The following ITIH1 variants were observed in gnomAD, a reference collection of about 807,000 sequenced individuals.
The protein encoded by ITIH1 is inter-alpha-trypsin inhibitor heavy chain 1.
A neutral mutation model predicts 104.6 loss-of-function variants in ITIH1; 94 were observed. That is an observed-to-expected ratio of 0.90 (90% CI 0.76 to 1.07). The LOEUF (loss-of-function observed/expected upper bound fraction) is 1.07, where lower values mean the gene tolerates loss of function less well. ITIH1 is among the 50% of genes least tolerant of loss of function. ITIH1 has a pLI of 0.00. For missense variants in ITIH1, 1,193 were observed against 1,181.4 expected (o/e 1.01, Z -0.14); for synonymous variants, 455 against 464.4 (o/e 0.98, Z 0.26).
chr3:52,790,500 T>C, intron 19 of ITIH1: 1 of 449,188 alleles, frequency 2.2e-6, no homozygotes, highest in Non-Finnish European at 4.0e-6. Context: ...GCCTGGGACT[T>C]CACAGGCTCG....
Position 52,786,370 on chromosome 3 carries a change from A to C in ITIH1, c.1669A>C (p.Met557Leu). 6.3e-7 allele frequency: 1 copy of C among 1,583,870 alleles called. No individual in the cohort carries two copies. Among genetic ancestry groups the C allele is most frequent in the East Asian group, 2.3e-5 (1 of 43,436 alleles). Reference protein sequence around the residue: ...MKKLLRERGHMLENHVERLWA... With the variant: ...MKKLLRERGHLLENHVERLWA... ...GAAACTGCTCCGAGAGCGTGGCCAC[A>C]TGCTGGAGAACCACGTCGAGCGCCT... Residue 557 changes from methionine to leucine, a missense_variant, in exon 13 of 22, where the codon ATG becomes CTG. By Grantham distance (15) the Met-to-Leu change is conservative (BLOSUM62 2). Transcript: ENST00000273283.
Position 52,785,219 on chromosome 3 carries a change from A to G in ITIH1, c.1583A>G (p.Gln528Arg). The change falls in exon 12 of 22, where the codon CAG becomes CGG. Residue 528 changes from glutamine (Q) to arginine (R), a missense_variant. Gln to Arg is a conservative substitution (Grantham distance 43). Transcript: ENST00000273283. The stretch of plus-strand genomic sequence containing the variant: ...CAGAGCAGCTTCAAGGCTGATGTGC[A>G]GGCCCATGGGGTAAATGGTGGGCCA... Reference protein sequence around the residue: ...NKQSSFKADVQAHGEGQEFSI... With the variant: ...NKQSSFKADVRAHGEGQEFSI... The G allele has an allele frequency of 6.2e-7, 1 of 1,614,046 alleles. No individual in the cohort carries two copies. The highest frequency in any genetic ancestry group is 2.2e-5 in the East Asian group (1 of 44,872).
At position 52,790,789 on chromosome 3, in the gene ITIH1, T is replaced by C; in HGVS notation, c.2362T>C (p.Ser788Pro). The C allele has an allele frequency of 6.2e-7, 1 of 1,612,892 alleles. No homozygotes were observed. The highest frequency in any genetic ancestry group is 8.5e-7 in the Non-Finnish European group (1 of 1,179,544). Residue 788 changes from serine (S) to proline (P), a missense_variant, in exon 20 of 22, where the codon TCT becomes CCT. By Grantham distance (74) the Ser-to-Pro change is moderately conservative. Coordinates refer to ENST00000273283, the MANE Select transcript of ITIH1 (RefSeq NM_002215.4). ...TINKKRNLVV[S>P]VDDGGTFEVV... ...CAACAAGAAGAGGAACCTGGTGGTGTCTGTGGACGACGGTGGCACCTTTGA... is the reference window on the plus strand; with the variant it reads ...CAACAAGAAGAGGAACCTGGTGGTGCCTGTGGACGACGGTGGCACCTTTGA...
intron 12 of ITIH1, among the ~76,000 whole-genome samples, 182 bp from the exon 13 acceptor site, chr3:52,786,113 G>A (rs1472784360): frequency 6.6e-6 from 1 of 152,200 alleles, no homozygotes; most frequent in Admixed American, 6.5e-5. Flanking sequence ...GCCAAGCCTG[G>A]CTTGCAGAGG....
Position 52,779,662 on chromosome 3 carries a change from G to C in ITIH1, c.573+68G>C. 1 of 1,563,852 alleles carries C rather than the reference G, an allele frequency of 6.4e-7. No individual in the cohort carries two copies. Among genetic ancestry groups the C allele is most frequent in the Non-Finnish European group, 8.8e-7 (1 of 1,135,160 alleles). ...GTCACCATGGCTCCCAACACTGGTT[G>C]AGCACCCACCATGTGTCACCACCCA... On this transcript the variant is annotated intron_variant, in intron 5 of 21. Transcript: ENST00000273283. The surrounding 1 kb of genome is among the most constrained non-coding windows in gnomAD (Gnocchi z 4.4).
intron 3 of ITIH1, 75 bp downstream of exon 3, chr3:52,778,581 G>T (rs1236194181): frequency 1.9e-5 from 31 of 1,592,406 alleles, no homozygotes; most frequent in Non-Finnish European, 1.4e-5. Flanking sequence ...ACAAGGATCG[G>T]AGTGGCCAGA....
Position 52,782,940 on chromosome 3 carries a change from C to G in ITIH1, c.931-17C>G. 1 of 1,613,394 alleles carries G rather than the reference C, an allele frequency of 6.2e-7. No homozygotes were observed. The highest frequency in any genetic ancestry group is 8.5e-7 in the Non-Finnish European group (1 of 1,179,632). On this transcript the variant is annotated splice_polypyrimidine_tract_variant and intron_variant, in intron 8 of 21. Transcript: ENST00000273283. ...CCCTGGGGCCCTGTCTGTCTACTGA[C>G]TGTTCTGTCCTTGCAGACCAAGGAG...
Position 52,778,977 on chromosome 3 carries a change from A to G in ITIH1, c.341A>G (p.Lys114Arg), listed in dbSNP as rs1698973921. ...GGAAACGCATTTATCGGAGACATAAAGGACAAGGTGACTGCATGGAAGCAG... is the reference window on the plus strand; with the variant it reads ...GGAAACGCATTTATCGGAGACATAAGGGACAAGGTGACTGCATGGAAGCAG... ...ADGNAFIGDI[K>R]DKVTAWKQYR... The change falls in exon 4 of 22, where the codon AAG becomes AGG. Residue 114 changes from lysine to arginine, a missense_variant. Transcript: ENST00000273283. 4.3e-6 allele frequency: 7 copies of G among 1,614,066 alleles called. No homozygotes were observed. In the African/African-American group the frequency reaches 6.7e-5, roughly 15 times the overall value.
intron 18 of ITIH1, among the ~76,000 whole-genome samples, chr3:52,789,127 G>A (rs989142905): frequency 4.0e-5 from 6 of 150,858 alleles, no homozygotes; most frequent in African/African-American, 1.2e-4. Context: ...GTGCACCAAC[G>A]AGGGGCTGGG....
intron 16 of ITIH1, 154 bp downstream of exon 16, chr3:52,787,766 C>T (rs1336227071): frequency 1.0e-6 from 1 of 984,398 alleles, no homozygotes; most frequent in East Asian, 2.4e-5. Flanking sequence ...GCCTGAGGTC[C>T]CTGGGGGAGG....
At position 52,789,853 on chromosome 3, in the gene ITIH1, G is replaced by A. The variant is rs757377327; in HGVS notation, c.2320G>A (p.Gly774Arg). The change falls in exon 19 of 22, where the codon GGG (glycine) becomes AGG (arginine). Residue 774 changes from glycine (G) to arginine (R), a missense_variant and splice_region_variant. Gly to Arg is a moderately radical substitution (Grantham distance 125, BLOSUM62 -2). Coordinates refer to ENST00000273283, the MANE Select transcript of ITIH1 (RefSeq NM_002215.4). ...GGACCAAGCTGTGCTGCGGCAGGAC[G>A]GGTAACCTGCCAGGGCCTGGGCAAG... ...WRDQAVLRQD[G>R]VVVTINKKRN... The A allele has an allele frequency of 3.1e-6, 5 of 1,613,860 alleles. No individual in the cohort carries two copies. Among genetic ancestry groups the A allele is most frequent in the Non-Finnish European group, 4.2e-6 (5 of 1,179,926 alleles).
intron 6 of ITIH1, 86 bp from the exon 7 acceptor site, chr3:52,781,854 C>T (rs1163527499): frequency 1.3e-6 from 2 of 1,538,618 alleles, no homozygotes; most frequent in East Asian, 2.3e-5. Context: ...CACACACACA[C>T]ACGCATGCCT....
In ITIH1 at chr3:52,779,774, A is replaced by C. The variant is rs1017070324; in HGVS notation, c.573+180A>C. 1 of 1,042,558 alleles carries C rather than the reference A, an allele frequency of 9.6e-7. No individual in the cohort carries two copies. The highest frequency in any genetic ancestry group is 1.4e-6 in the Non-Finnish European group (1 of 726,248). The allele number at this position is 1,042,558 out of a possible 1,614,324, so 64.6% of individuals were successfully genotyped here. ...GGCAGGGAACTCCCTGAATTCTCTA[A>C]CTTCCTCTTTATCTCTGAGCTTCGG... On this transcript the variant is annotated intron_variant, in intron 5 of 21. Coordinates refer to ENST00000273283, the MANE Select transcript of ITIH1 (RefSeq NM_002215.4). The surrounding 1 kb of genome is among the most constrained non-coding windows in gnomAD (Gnocchi z 4.4).
At position 52,778,891 on chromosome 3, in the gene ITIH1, T is replaced by C; in HGVS notation, c.306-51T>C. The C allele has an allele frequency of 3.0e-6, 4 of 1,351,756 alleles. No homozygotes were observed. In the South Asian group the frequency reaches 3.5e-5, roughly 12 times the overall value. 83.7% of individuals were successfully genotyped at this position (1,351,756 alleles called of 1,614,324 possible). On this transcript the variant is annotated intron_variant, in intron 3 of 21. Coordinates refer to ENST00000273283, the MANE Select transcript of ITIH1 (RefSeq NM_002215.4). ...CACATGGACAGGCCCTCTCAGGACC[T>C]GTGTGGTCAGGAGGCTCATCTTTCC...
Position 52,779,704 on chromosome 3 carries a change from GA to G in ITIH1, c.573+111del. 1 of 1,312,178 alleles carries G rather than the reference GA, an allele frequency of 7.6e-7. No individual in the cohort carries two copies. Among genetic ancestry groups the G allele is most frequent in the Non-Finnish European group, 1.1e-6 (1 of 909,796 alleles). 81.3% of individuals were successfully genotyped at this position (1,312,178 alleles called of 1,614,324 possible). On this transcript the variant is annotated intron_variant, in intron 5 of 21. Transcript: ENST00000273283. This position sits in a 1 kb window ranked among gnomAD's most constrained non-coding sequence, Gnocchi z 4.4. ...CACCACCCAGGCCTGAGAACACAGGGATGGGGACTAACCCCTCAGGGTGAGC... is the reference window on the plus strand; with the variant it reads ...CACCACCCAGGCCTGAGAACACAGGGTGGGGACTAACCCCTCAGGGTGAGC...
chr3:52,790,268 GTTCA>G (rs3217089), intron 19 of ITIH1: 78 of 249,672 alleles, frequency 3.1e-4, no homozygotes, highest in East Asian at 3.2e-4. Flanking sequence ...TTACTAATTC[GTTCA>G]TTCATTCATT....
chr3:52,783,465 A>G (rs1286247636), intron 10 of ITIH1, 126 bp downstream of exon 10: 1 of 992,504 alleles, frequency 1.0e-6, no homozygotes, highest in African/African-American at 1.6e-5. Context: ...GGCAAAATCA[A>G]GCACTGGTCT....
rs540349536 is a variant in ITIH1, at chr3:52,788,059, G to A, written c.1998G>A (p.Val666=). The A allele has an allele frequency of 6.2e-7, 1 of 1,603,898 alleles. No homozygotes were observed. The highest frequency in any genetic ancestry group is 1.1e-5 in the South Asian group (1 of 89,042). Reference sequence around the variant, plus strand: ...ATACCCAGCGGCTGCCAGACCGAGTGACCGGCGGTGAGTCCTTGGAAGGGT... The same window carrying A: ...ATACCCAGCGGCTGCCAGACCGAGTAACCGGCGGTGAGTCCTTGGAAGGGT... ...SSNTQRLPDR[V]TGVDTDPHFI... is the part of the protein sequence containing the mutation. Residue 666 remains valine, a synonymous_variant, in exon 17 of 22, where the codon GTG becomes GTA. Coordinates refer to ENST00000273283, the MANE Select transcript of ITIH1 (RefSeq NM_002215.4).
rs557723273 is a variant in ITIH1, at chr3:52,781,862, CCTT to C, written c.688-74_688-72del. Reference sequence around the variant, plus strand: ...AAACACACACACACACACACGCATGCCTTCTTATGTTGTCTTTGCAAACATCTT... The same window carrying C: ...AAACACACACACACACACACGCATGCCTTATGTTGTCTTTGCAAACATCTT... On this transcript the variant is annotated intron_variant, in intron 6 of 21. Coordinates refer to ENST00000273283, the MANE Select transcript of ITIH1 (RefSeq NM_002215.4). 482 of 1,560,628 alleles carry C rather than the reference CCTT, an allele frequency of 3.1e-4. 1 individual carries two copies. The highest frequency in any genetic ancestry group is 1.5e-3 in the Admixed American group (89 of 58,652).
Sources: gnomAD v4.1 joint callset for allele counts (sites outside exome capture counted in the v4.1 genomes callset) on GRCh38, gnomAD v4.1.1 for gene constraint, Gnocchi (gnomAD v3.1) non-coding constraint, MANE v1.5 for transcripts, NCBI Gene and HGNC (gene_info 2026-07-23, HGNC 2026-07-21) for gene names.